Variants in KLHL11 observed in about 807,000 individuals in gnomAD.
KLHL11 encodes the protein kelch like family member 11.
KLHL11 carries 26 observed loss-of-function variants against 56.1 expected under a neutral mutation model. The ratio of observed to expected loss-of-function variants is 0.46; its 90% CI spans 0.34 to 0.64. The LOEUF (loss-of-function observed/expected upper bound fraction) is 0.64, where lower values mean the gene tolerates loss of function less well. Among genes scored for constraint, KLHL11 ranks in the 30% least tolerant of loss-of-function variants. The pLI is 0.01. For missense variants in KLHL11, 627 were observed against 919.4 expected (o/e 0.68, Z 4.11); for synonymous variants, 338 against 345.8 (o/e 0.98, Z 0.25).
rs782064706 is a variant in KLHL11 at position 41,854,956 on chromosome 17, C to T, written c.911G>A (p.Arg304Gln). ...LSQMKPTYLT[R>Q]HVKPERLVAN... Reference sequence around the variant, plus strand: ...TACCAGCCTCTCTGGTTTGACATGTCGAGTAAGGTAGGTAGGTTTCATCTG... The same window carrying T: ...TACCAGCCTCTCTGGTTTGACATGTTGAGTAAGGTAGGTAGGTTTCATCTG... The change falls in exon 2 of 2, where the codon CGA becomes CAA. Residue 304 changes from arginine (R) to glutamine (Q), a missense_variant. By Grantham distance (43) the Arg-to-Gln change is conservative. This residue lies in a region of KLHL11 where 106 missense variants were observed against 227.0 expected (regional missense o/e 0.47). Coordinates refer to ENST00000319121, the MANE Select transcript of KLHL11 (RefSeq NM_018143.3). This position sits in a 1 kb window ranked among gnomAD's most constrained non-coding sequence, Gnocchi z 4.9. The T allele has an allele frequency of 3.7e-6, 6 of 1,614,182 alleles. No homozygotes were observed. Among genetic ancestry groups the T allele is most frequent in the South Asian group, 1.1e-5 (1 of 91,074 alleles).
chr17:41,854,075 T>A lies in KLHL11; in HGVS notation c.1792A>T (p.Ser598Cys), dbSNP rs782025209. ...ILESLPPEVL[S>C]IEGAAICYYK... ...TAGCAAATGGCTGCTCCTTCGATGC[T>A]TAGGACTTCTGGAGGCAAGCTTTCA... Residue 598 changes from serine (S) to cysteine (C), a missense_variant, in exon 2 of 2, where the codon AGC becomes TGC. Coordinates refer to ENST00000319121, the MANE Select transcript of KLHL11 (RefSeq NM_018143.3). The surrounding 1 kb of genome is among the most constrained non-coding windows in gnomAD (Gnocchi z 4.9). 4 of 1,614,208 alleles carry A rather than the reference T, an allele frequency of 2.5e-6. No individual in the cohort carries two copies. Among genetic ancestry groups the A allele is most frequent in the Non-Finnish European group, 2.5e-6 (3 of 1,180,032 alleles).
intron 1 of KLHL11, among the ~76,000 whole-genome samples, chr17:41,860,608 G>C (rs1215873519): frequency 6.6e-6 from 1 of 152,118 alleles, no homozygotes; most frequent in Non-Finnish European, 1.5e-5. Flanking sequence ...ACAAACTCAA[G>C]ATGATATGAC....
chr17:41,863,167 T>C (rs1597951533), intron 1 of KLHL11, among the ~76,000 whole-genome samples: 1 of 147,556 alleles, frequency 6.8e-6, no homozygotes, highest in Admixed American at 6.9e-5. Flanking sequence ...TGCCCCCTCC[T>C]CCCCAATGCC....
At chr17:41,858,097 C>T (rs1350028613) in intron 1 of KLHL11, among the ~76,000 whole-genome samples, 1 of 152,012 alleles carries the variant, frequency 6.6e-6, no homozygotes, top group East Asian at 1.9e-4. Flanking sequence ...GGGTTACAGG[C>T]GTGAGCCACC....
chr17:41,863,998 A>T (rs959343351), intron 1 of KLHL11, among the ~76,000 whole-genome samples: 1 of 152,234 alleles, frequency 6.6e-6, no homozygotes, highest in Non-Finnish European at 1.5e-5. Context: ...TAAGTGCGAT[A>T]AGGAAAAGGA....
At chr17:41,857,672 G>T (rs2048374603) in intron 1 of KLHL11, among the ~76,000 whole-genome samples, 1 of 151,786 alleles carries the variant, frequency 6.6e-6, no homozygotes, top group Non-Finnish European at 1.5e-5. Context: ...TAAGAGACAG[G>T]GTTTTGCTAT....
chr17:41,858,408 T>TTG (rs1555622763), intron 1 of KLHL11, among the ~76,000 whole-genome samples: 11,694 of 144,004 alleles, frequency 0.081, 675 homozygotes, highest in Non-Finnish European at 0.11. Flanking sequence ...ATATATATTT[T>TTG]TTGTTGTTGT....
chr17:41,864,709 A>C, intron 1 of KLHL11, 117 bp downstream of exon 1: 2 of 1,062,706 alleles, frequency 1.9e-6, no homozygotes, highest in Non-Finnish European at 2.5e-6. Flanking sequence ...GTGTGAAACC[A>C]ATGCATTCAC....
intron 1 of KLHL11, among the ~76,000 whole-genome samples, chr17:41,860,401 G>T (rs1476280148): frequency 8.6e-6 from 1 of 116,302 alleles, no homozygotes; most frequent in South Asian, 2.7e-4. Context: ...TAGGGGTTTT[G>T]GGGGGGGTGG....
In KLHL11 at chr17:41,854,138, C is replaced by T; in HGVS notation, c.1729G>A (p.Val577Ile). 6.2e-7 allele frequency: 1 copy of T among 1,614,166 alleles called. No homozygotes were observed. Among genetic ancestry groups the T allele is most frequent in the Non-Finnish European group, 8.5e-7 (1 of 1,180,000 alleles). ...KSYCLENEEA[V>I]RKIASQVSDE... ...GACACTTGGCTGGCAATTTTTCTTA[C>T]TGCCTCTTCGTTTTCTAAACAATAA... The change falls in exon 2 of 2, where the codon GTA (valine) becomes ATA (isoleucine). Residue 577 changes from valine (V) to isoleucine (I), a missense_variant. Around this residue, in one of 4 missense-constraint regions of KLHL11, gnomAD observed 250 missense variants for 360.6 expected, o/e 0.69. Coordinates refer to ENST00000319121, the MANE Select transcript of KLHL11 (RefSeq NM_018143.3). The surrounding 1 kb of genome is among the most constrained non-coding windows in gnomAD (Gnocchi z 4.9).
Position 41,851,825 on chromosome 17 carries a change from G to A in KLHL11, c.*1915C>T, listed in dbSNP as rs2048333549. Among the ~76,000 whole-genome samples, 1 of 151,452 alleles carries A rather than the reference G, an allele frequency of 6.6e-6. No homozygotes were observed. The highest frequency in any genetic ancestry group is 2.4e-5 in the African/African-American group (1 of 41,170). On this transcript the variant is annotated 3_prime_UTR_variant, in exon 2 of 2. Coordinates refer to ENST00000319121, the MANE Select transcript of KLHL11 (RefSeq NM_018143.3). ...ACTCCGTATGCTGAGGTGGCAGGAT[G>A]GCTTGCATCCAGGAGGTGGAGGTTG...
In KLHL11 at chr17:41,855,122, T is replaced by A. The variant is rs1191270597; in HGVS notation, c.745A>T (p.Ile249Phe). The change falls in exon 2 of 2, where the codon ATT (isoleucine) becomes TTT (phenylalanine). Residue 249 changes from isoleucine to phenylalanine, a missense_variant. Ile to Phe is a conservative substitution (Grantham distance 21, BLOSUM62 0). Coordinates refer to ENST00000319121, the MANE Select transcript of KLHL11 (RefSeq NM_018143.3). ...EEFYTLPFHL[I>F]RDWLSDLEIT... ...TCCAAATCTGAAAGCCAGTCTCTAA[T>A]GAGATGGAAAGGTAACGTATAAAAT... 19 of 1,613,570 alleles carry A rather than the reference T, an allele frequency of 1.2e-5. No homozygotes were observed. The highest frequency in any genetic ancestry group is 8.5e-7 in the Non-Finnish European group (1 of 1,179,616).
chr17:41,863,832 C>T (rs9303318), intron 1 of KLHL11, among the ~76,000 whole-genome samples: 114,418 of 152,030 alleles, frequency 0.75, 43,356 homozygotes, highest in Admixed American at 0.84. Context: ...TCTCTATCCA[C>T]CCAATTTGGA....
chr17:41,865,079 G>C lies in KLHL11; in HGVS notation c.292C>G (p.Leu98Val). Residue 98 changes from leucine to valine, a missense_variant, in exon 1 of 2, where the codon CTG (leucine) becomes GTG (valine). By Grantham distance (32) the Leu-to-Val change is conservative. Around this residue, in one of 4 missense-constraint regions of KLHL11, gnomAD observed 150 missense variants for 215.7 expected, o/e 0.70. Coordinates refer to ENST00000319121, the MANE Select transcript of KLHL11 (RefSeq NM_018143.3). ...CGGCCTCCAGCCCCGCCGAAGCACA[G>C]GGTAATGTCGCAGAAGAGGCCCTGG... ...RRQGLFCDIT[L>V]CFGGAGGREF... 6.2e-7 allele frequency: 1 copy of C among 1,601,958 alleles called. No homozygotes were observed. The highest frequency in any genetic ancestry group is 8.5e-7 in the Non-Finnish European group (1 of 1,173,000).
At chr17:41,861,804 C>T (rs2048405204) in intron 1 of KLHL11, among the ~76,000 whole-genome samples, 1 of 151,986 alleles carries the variant, frequency 6.6e-6, no homozygotes, top group Non-Finnish European at 1.5e-5. Flanking sequence ...GGACTTTACT[C>T]CTGCAATTAT....
chr17:41,852,617 C>T lies in KLHL11; in HGVS notation c.*1123G>A, dbSNP rs190213014. Among the ~76,000 whole-genome samples the T allele has an allele frequency of 6.6e-6, 1 of 151,488 alleles. No individual in the cohort carries two copies. The highest frequency in any genetic ancestry group is 2.0e-4 in the East Asian group (1 of 5,128). On this transcript the variant is annotated 3_prime_UTR_variant, in exon 2 of 2. Coordinates refer to ENST00000319121, the MANE Select transcript of KLHL11 (RefSeq NM_018143.3). ...ACCAGCCTGGTCAACATGGTGAAAC[C>T]CTGTCTCTACTAAAAGCACAAAAAT...
In KLHL11 at chr17:41,853,833, C is replaced by A. The variant is rs782645803; in HGVS notation, c.2034G>T (p.Leu678=). 1 of 1,614,156 alleles carries A rather than the reference C, an allele frequency of 6.2e-7. No homozygotes were observed. Among genetic ancestry groups the A allele is most frequent in the South Asian group, 1.1e-5 (1 of 91,082 alleles). The change falls in exon 2 of 2, where the codon CTG becomes CTT. Residue 678 remains leucine (L), a synonymous_variant. Transcript: ENST00000319121. The stretch of plus-strand genomic sequence containing the variant: ...GTCTGATGCGGTCCTTCTGCCACAT[C>A]AGGTTTTGAGGCATAGGGTATCTCT... ...GTQRYPMPQN[L]MWQKDRIRQM...
At position 41,848,648 on chromosome 17, in the gene KLHL11, T is replaced by C. The variant is rs1567871559; in HGVS notation, c.*5092A>G. On this transcript the variant is annotated 3_prime_UTR_variant, in exon 2 of 2. Coordinates refer to ENST00000319121, the MANE Select transcript of KLHL11 (RefSeq NM_018143.3). ...GTCTCAAGGTGTTCTAAATGCTACA[T>C]CTCCTCTGAGTTAAGGGGAGATAGT... 4.5e-6 allele frequency: 1 copy of C among 220,510 alleles called. No homozygotes were observed. The highest frequency in any genetic ancestry group is 1.1e-4 in the East Asian group (1 of 9,058). The allele number at this position is 220,510 out of a possible 1,614,324, so 13.7% of individuals were successfully genotyped here.
At chr17:41,856,282 G>A (rs1452413253) in intron 1 of KLHL11, among the ~76,000 whole-genome samples, 2 of 152,188 alleles carry the variant, frequency 1.3e-5, no homozygotes, top group Admixed American at 1.3e-4. Context: ...GGGCCACTGT[G>A]CCTGGCCATG....
Sources: gnomAD v4.1 joint callset for allele counts (sites outside exome capture counted in the v4.1 genomes callset) on GRCh38, gnomAD v4.1.1 for gene constraint, gnomAD v4.1.1 regional missense constraint, Gnocchi (gnomAD v3.1) non-coding constraint, MANE v1.5 for transcripts, NCBI Gene and HGNC (gene_info 2026-07-23, HGNC 2026-07-21) for gene names.